The following GATC variants were observed in gnomAD, a reference collection of about 807,000 sequenced individuals.
The protein encoded by GATC is glutamyl-tRNA(Gln) amidotransferase subunit C, mitochondrial.
A neutral mutation model predicts 14.4 loss-of-function variants in GATC; 11 were observed. The observed-to-expected ratio is 0.77, with a 90% CI of 0.48 to 1.27. The LOEUF is 1.27. Ranked by LOEUF, GATC falls within the 50% of genes most tolerant of loss-of-function variation. The pLI, the probability that GATC is intolerant of heterozygous loss-of-function variation, is 0.00. For synonymous variants in GATC, 76 were observed against 79.3 expected (o/e 0.96, Z 0.22); for missense variants, 204 against 183.0 (o/e 1.11, Z -0.66).
chr12:120,461,427 C>T lies in GATC; in HGVS notation c.*1468C>T, dbSNP rs1037627239. ...CCATTCCCTTCCTTTATCTGCAATGCTTTTTTCTTTAAGGCAGCCTAATTT... is the reference window on the plus strand; with the variant it reads ...CCATTCCCTTCCTTTATCTGCAATGTTTTTTTCTTTAAGGCAGCCTAATTT... On this transcript the variant is annotated 3_prime_UTR_variant, in exon 4 of 4. Transcript: ENST00000551765. 2.0e-5 allele frequency: 3 copies of T among 152,100 alleles called. No individual in the cohort carries two copies. Among genetic ancestry groups the T allele is most frequent in the Admixed American group, 1.3e-4 (2 of 15,262 alleles). The allele number at this position is 152,100 out of a possible 1,614,324, so 9.4% of individuals were successfully genotyped here.
chr12:120,451,146 A>AAAAG (rs1317114168), intron 2 of GATC, among the ~76,000 whole-genome samples: 1 of 148,888 alleles, frequency 6.7e-6, no homozygotes, highest in Non-Finnish European at 1.5e-5. Context: ...TCCATCTCAA[A>AAAAG]AAAAAAAAAA....
rs535345364 is a variant in GATC, at chr12:120,456,572, C to T, written c.255-504C>T. Among the ~76,000 whole-genome samples the T allele has an allele frequency of 4.6e-5, 7 of 152,298 alleles. No individual in the cohort carries two copies. The South Asian group carries it at 8.3e-4, about 18-fold the overall frequency. ...GTCCTTCTCTGAATCTCTGAGCTCT[C>T]GGCTCTATTGCTTTGGGATTCATGC... is the stretch of plus-strand genomic sequence containing the variant. On this transcript the variant is annotated intron_variant, in intron 2 of 3. Coordinates refer to ENST00000551765, the MANE Select transcript of GATC (RefSeq NM_176818.3).
chr12:120,457,872 G>A (rs1447926131), intron 3 of GATC, among the ~76,000 whole-genome samples: 3 of 152,072 alleles, frequency 2.0e-5, no homozygotes, highest in African/African-American at 4.8e-5. Flanking sequence ...CTCCCAAAAC[G>A]AATCTTATTG....
chr12:120,449,030 T>C lies in GATC; in HGVS notation c.254+2201T>C, dbSNP rs1249396310. Among the ~76,000 whole-genome samples, 3 of 151,636 alleles carry C rather than the reference T, an allele frequency of 2.0e-5. No individual in the cohort carries two copies. In the East Asian group the frequency reaches 5.8e-4, roughly 29 times the overall value. ...GAGGCTGGAGTGCAGTGGCGTGATC[T>C]TGGCTCACTGCAAGTTCCGCCTCCT... is the stretch of plus-strand genomic sequence containing the variant. On this transcript the variant is annotated intron_variant, in intron 2 of 3. Transcript: ENST00000551765.
At position 120,463,068 on chromosome 12, in the gene GATC, C is replaced by G. The variant is rs571097855; in HGVS notation, c.*3109C>G. ...GAAATGAGCCCAGAGACCTGTGTCC[C>G]CAAACATCCGTAAATCTCATAGTAA... On this transcript the variant is annotated 3_prime_UTR_variant, in exon 4 of 4. Transcript: ENST00000551765. 3 of 152,252 alleles carry G rather than the reference C, an allele frequency of 2.0e-5. No homozygotes were observed. The highest frequency in any genetic ancestry group is 6.5e-5 in the Admixed American group (1 of 15,292). 9.4% of individuals were successfully genotyped at this position (152,252 alleles called of 1,614,324 possible).
rs1339294173 is a variant in GATC, at chr12:120,461,534, C to T, written c.*1575C>T. The T allele has an allele frequency of 6.6e-6, 1 of 152,310 alleles. No homozygotes were observed. The highest frequency in any genetic ancestry group is 1.5e-5 in the Non-Finnish European group (1 of 68,162). The allele number at this position is 152,310 out of a possible 1,614,324, so 9.4% of individuals were successfully genotyped here. ...CTCAAACCAACATCAGAGCAACTGT[C>T]TATCCCCATATAAATAAAGTTATCT... On this transcript the variant is annotated 3_prime_UTR_variant, in exon 4 of 4. Transcript: ENST00000551765.
chr12:120,447,780 G>A (rs1431600992), intron 2 of GATC, among the ~76,000 whole-genome samples: 1 of 151,958 alleles, frequency 6.6e-6, no homozygotes, highest in Non-Finnish European at 1.5e-5. Context: ...TTTTGAGATG[G>A]AGTCTCACTC....
rs116986797 is a variant in GATC, at chr12:120,462,626, C to T, written c.*2667C>T. ...GAGGACCTGAGCTAGATGCTTTAGA[C>T]GTTATCCTCTTGCTCTAGATTCCTG... On this transcript the variant is annotated 3_prime_UTR_variant, in exon 4 of 4. Transcript: ENST00000551765. 3.1e-3 allele frequency: 477 copies of T among 152,894 alleles called. 6 individuals carry two copies. The highest frequency in any genetic ancestry group is 0.024 in the East Asian group (124 of 5,184). The allele number at this position is 152,894 out of a possible 1,614,324, so 9.5% of individuals were successfully genotyped here.
In GATC at chr12:120,446,672, A is replaced by G. The variant is rs1877875941; in HGVS notation, c.97A>G (p.Thr33Ala). ...KADPQGSGRI[T>A]AAVIEHLERL... ...CCTCCTCCAGGGCAGTGGCCGGATC[A>G]CGGCTGCGGTGATCGAGCACCTGGA... Residue 33 changes from threonine to alanine, a missense_variant, in exon 2 of 4, where the codon ACG becomes GCG. Coordinates refer to ENST00000551765, the MANE Select transcript of GATC (RefSeq NM_176818.3). 2.5e-6 allele frequency: 4 copies of G among 1,612,224 alleles called. No homozygotes were observed. Among genetic ancestry groups the G allele is most frequent in the East Asian group, 2.2e-5 (1 of 44,864 alleles).
intron 2 of GATC, among the ~76,000 whole-genome samples, chr12:120,455,657 C>T (rs1431100944): frequency 6.6e-6 from 1 of 152,034 alleles, no homozygotes; most frequent in Non-Finnish European, 1.5e-5. Context: ...AGAACTAGTC[C>T]TTTCCTAAAA....
At chr12:120,456,993 G>C in intron 2 of GATC, 83 bp from the exon 3 acceptor site, 1 of 852,194 alleles carries the variant, frequency 1.2e-6, no homozygotes. Flanking sequence ...CTGCTTCCTT[G>C]TTCTCTCCTT....
chr12:120,459,865 CA>C, intron 3 of GATC, 41 bp from the exon 4 acceptor site: 1 of 1,512,840 alleles, frequency 6.6e-7, no homozygotes, highest in Non-Finnish European at 9.1e-7. Context: ...AAAACAAAAA[CA>C]AACAAACAAA....
In GATC at chr12:120,462,315, A is replaced by G. The variant is rs1878368464; in HGVS notation, c.*2356A>G. 7.1e-6 allele frequency: 5 copies of G among 700,598 alleles called. No individual in the cohort carries two copies. Among genetic ancestry groups the G allele is most frequent in the Non-Finnish European group, 1.1e-5 (5 of 445,290 alleles). 43.4% of individuals were successfully genotyped at this position (700,598 alleles called of 1,614,324 possible). On this transcript the variant is annotated 3_prime_UTR_variant, in exon 4 of 4. Coordinates refer to ENST00000551765, the MANE Select transcript of GATC (RefSeq NM_176818.3). The stretch of plus-strand genomic sequence containing the variant: ...GGCTATCTCATTAAACCTTCATAAC[A>G]TTATGAGGTAGGTACTCTTACTATC...
At chr12:120,446,615 GA>G in intron 1 of GATC, 41 bp from the exon 2 acceptor site, 1 of 1,592,608 alleles carries the variant, frequency 6.3e-7, no homozygotes. Flanking sequence ...AGGCACTTCG[GA>G]GCGCCGGTGA....
Position 120,451,875 on chromosome 12 carries a change from C to CTTTTTTTTTTTTTTTT in GATC, c.254+5051_254+5066dup, listed in dbSNP as rs1170221029. 2.8e-3 allele frequency among the ~76,000 whole-genome samples: 257 copies of CTTTTTTTTTTTTTTTT among 90,802 alleles called. 28 individuals carry two copies. Among genetic ancestry groups the CTTTTTTTTTTTTTTTT allele is most frequent in the Middle Eastern group, 6.8e-3 (1 of 146 alleles). The allele number at this position is 90,802 out of a possible 152,430, so 59.6% of individuals were successfully genotyped here. On this transcript the variant is annotated intron_variant, in intron 2 of 3. Coordinates refer to ENST00000551765, the MANE Select transcript of GATC (RefSeq NM_176818.3). The stretch of plus-strand genomic sequence containing the variant: ...CAGGGGCTAATAAATTATATAAATT[C>CTTTTTTTTTTTTTTTT]TTTTTTTTTTTTTTTTTTTTGAGCT...
chr12:120,448,264 C>T (rs1033211488), intron 2 of GATC, among the ~76,000 whole-genome samples: 3 of 151,782 alleles, frequency 2.0e-5, no homozygotes, highest in South Asian at 2.1e-4. Context: ...GCCATGTTGC[C>T]CCATATGGTC....
Position 120,461,691 on chromosome 12 carries a change from T to C in GATC, c.*1732T>C, listed in dbSNP as rs1316338109. On this transcript the variant is annotated 3_prime_UTR_variant, in exon 4 of 4. Transcript: ENST00000551765. ...TGTCAATTACTAAACATTTAAAATA[T>C]ATTTCTAAACAGAATGGGCCGACTC... The C allele has an allele frequency of 2.3e-5, 4 of 173,442 alleles. No individual in the cohort carries two copies. The highest frequency in any genetic ancestry group is 6.2e-5 in the Admixed American group (1 of 16,114). The allele number at this position is 173,442 out of a possible 1,614,324, so 10.7% of individuals were successfully genotyped here. A position where few individuals can be genotyped will look rare whatever the true frequency, so the allele number is the denominator to read the frequency against.
intron 2 of GATC, among the ~76,000 whole-genome samples, chr12:120,452,097 G>A (rs1348066979): frequency 6.6e-6 from 1 of 151,852 alleles, no homozygotes; most frequent in Non-Finnish European, 1.5e-5. Context: ...GGCTGCTCTT[G>A]AACTCCTGAC....
intron 2 of GATC, among the ~76,000 whole-genome samples, chr12:120,451,216 G>A (rs1029872104): frequency 6.7e-6 from 1 of 149,664 alleles, no homozygotes; most frequent in Non-Finnish European, 1.5e-5. Flanking sequence ...GGAAGCTGAG[G>A]TGGGTGGATC....
Sources: gnomAD v4.1 joint callset for allele counts (sites outside exome capture counted in the v4.1 genomes callset) on GRCh38, gnomAD v4.1.1 for gene constraint, MANE v1.5 for transcripts, NCBI Gene and HGNC (gene_info 2026-07-23, HGNC 2026-07-21) for gene names.